ZNF133: variants seen among roughly 807,000 people sequenced by gnomAD.
ZNF133 encodes zinc finger protein 133.
Under a neutral mutation model 54.9 loss-of-function variants are expected in ZNF133, and 26 were observed. The observed-to-expected ratio is 0.47, with a 90% CI of 0.35 to 0.66. The LOEUF is 0.66. Ranked by LOEUF, ZNF133 falls within the 30% of genes least tolerant of loss-of-function variation. ZNF133 has a pLI of 0.01. For missense variants in ZNF133, 653 were observed against 820.8 expected, an observed-to-expected ratio of 0.80 and a Z score of 2.50; for synonymous variants, 298 against 320.3, an observed-to-expected ratio of 0.93 and a Z score of 0.74.
Position 18,316,461 on chromosome 20 carries a change from TCATCAGG to T in ZNF133, c.1613_1619del (p.Ile538ThrfsTer26). 1 of 1,614,212 alleles carries T rather than the reference TCATCAGG, an allele frequency of 6.2e-7. No homozygotes were observed. Among genetic ancestry groups the T allele is most frequent in the Non-Finnish European group, 8.5e-7 (1 of 1,180,038 alleles). On this transcript the variant is annotated frameshift_variant, in exon 7 of 7. Coordinates refer to ENST00000425686, the MANE Select transcript of ZNF133 (RefSeq NM_001352452.2). LOFTEE classifies it high-confidence loss of function. ...CGAGGCTTTAGCCACCAGGCCGGTC[TCATCAGG>T]CACAAGCGGAAGCACTCGAGGGAGA...
At chr20:18,303,411 TA>T (rs996495222) in intron 3 of ZNF133, among the ~76,000 whole-genome samples, 2 of 152,128 alleles carry the variant, frequency 1.3e-5, no homozygotes, top group African/African-American at 4.8e-5. Flanking sequence ...GTAATCCCTA[TA>T]AAAATAACAA....
Position 18,315,313 on chromosome 20 carries a change from G to C in ZNF133, c.462G>C (p.Leu154Phe). ...EGPEGEGAMP[L>F]FGRTKKRTLG... ...CTGAGGGAGAAGGTGCCATGCCTTT[G>C]TTTGGAAGAACCAAGAAAAGGACTC... The change falls in exon 7 of 7, where the codon TTG (leucine) becomes TTC (phenylalanine). Residue 154 changes from leucine (L) to phenylalanine (F), a missense_variant. Physicochemically the swap from Leu to Phe is conservative, Grantham distance 22. This residue lies in a region of ZNF133 where 227 missense variants were observed against 233.9 expected (regional missense o/e 0.97). Transcript: ENST00000425686. 1 of 1,614,106 alleles carries C rather than the reference G, an allele frequency of 6.2e-7. No individual in the cohort carries two copies. The highest frequency in any genetic ancestry group is 8.5e-7 in the Non-Finnish European group (1 of 1,180,006).
intron 3 of ZNF133, among the ~76,000 whole-genome samples, chr20:18,300,633 T>C (rs2147215311): frequency 6.6e-6 from 1 of 152,214 alleles, no homozygotes; most frequent in South Asian, 2.1e-4. Flanking sequence ...AAAAAGACGT[T>C]TCATGCAAAT....
chr20:18,299,446 T>A (rs530177208), intron 3 of ZNF133, among the ~76,000 whole-genome samples: 2 of 152,282 alleles, frequency 1.3e-5, no homozygotes, highest in East Asian at 3.9e-4. Context: ...AAGGGAACTA[T>A]GGGATACTAT....
At chr20:18,297,656 A>G (rs1393220684) in intron 1 of ZNF133, among the ~76,000 whole-genome samples, 1 of 151,580 alleles carries the variant, frequency 6.6e-6, no homozygotes, top group African/African-American at 2.4e-5. Flanking sequence ...TGTTTTTGAG[A>G]TTTCCCTAGT....
At chr20:18,297,767 T>G in intron 1 of ZNF133, among the ~76,000 whole-genome samples, 1 of 152,148 alleles carries the variant, frequency 6.6e-6, no homozygotes, top group African/African-American at 2.4e-5. Context: ...TGTTGTTGTT[T>G]TTTGTTTTTC....
Position 18,288,558 on chromosome 20 carries a change from C to T in ZNF133, c.-478C>T. On this transcript the variant is annotated 5_prime_UTR_variant, in exon 1 of 7. Transcript: ENST00000425686. ...TAGTCCTGGCGCCCCGCTGGAGGAGCTCCCCAGCTGGTGGCTGGAGCGACC... is the reference window on the plus strand; with the variant it reads ...TAGTCCTGGCGCCCCGCTGGAGGAGTTCCCCAGCTGGTGGCTGGAGCGACC... 2.5e-6 allele frequency: 1 copy of T among 398,648 alleles called. No individual in the cohort carries two copies. The highest frequency in any genetic ancestry group is 4.4e-6 in the Non-Finnish European group (1 of 226,110). The allele number at this position is 398,648 out of a possible 1,614,324, so 24.7% of individuals were successfully genotyped here. A position where few individuals can be genotyped will look rare whatever the true frequency, so the allele number is the denominator to read the frequency against.
rs956242978 is a variant in ZNF133 at position 18,305,129 on chromosome 20, C to G, written c.-56C>G. ...TGGCCAAGAAGCTCCATGGTGAGCA[C>G]TCACAGTCTAAGGCTGGAAGTTTAA... On this transcript the variant is annotated 5_prime_UTR_variant, in exon 4 of 7. Transcript: ENST00000425686. The surrounding 1 kb of genome is among the most constrained non-coding windows in gnomAD (Gnocchi z 4.7). 5.1e-6 allele frequency: 5 copies of G among 985,774 alleles called. No homozygotes were observed. The African/African-American group carries it at 8.7e-5, about 17-fold the overall frequency. 61.1% of individuals were successfully genotyped at this position (985,774 alleles called of 1,614,324 possible).
intron 1 of ZNF133, among the ~76,000 whole-genome samples, chr20:18,290,367 T>G (rs1206690394): frequency 6.6e-6 from 1 of 152,216 alleles, no homozygotes; most frequent in Non-Finnish European, 1.5e-5. Flanking sequence ...TGTTCTTCTG[T>G]CTTCCAATAC....
intron 1 of ZNF133, among the ~76,000 whole-genome samples, chr20:18,293,167 G>T (rs1351186790): frequency 6.6e-6 from 1 of 152,218 alleles, no homozygotes; most frequent in Non-Finnish European, 1.5e-5. Flanking sequence ...AGTGGCTTAG[G>T]AGAGCAACTA....
At chr20:18,291,046 G>A (rs73114300) in intron 1 of ZNF133, among the ~76,000 whole-genome samples, 11,020 of 152,172 alleles carry the variant, frequency 0.072, 491 homozygotes, top group Non-Finnish European at 0.089. Context: ...AGAATCTGTC[G>A]CCTGGGCAAC....
In ZNF133 at chr20:18,305,937, T is replaced by C. The variant is rs1005860720; in HGVS notation, c.121+130T>C. On this transcript the variant is annotated intron_variant, in intron 5 of 6. Transcript: ENST00000425686. This position sits in a 1 kb window ranked among gnomAD's most constrained non-coding sequence, Gnocchi z 4.7. ...AAAGCAACTACATTTTATTCGTGTTTCCCCAGGGAGGGTCTGATTTTGCAG... is the reference window on the plus strand; with the variant it reads ...AAAGCAACTACATTTTATTCGTGTTCCCCCAGGGAGGGTCTGATTTTGCAG... The C allele has an allele frequency of 1.6e-6, 2 of 1,247,036 alleles. No homozygotes were observed. The highest frequency in any genetic ancestry group is 2.2e-6 in the Non-Finnish European group (2 of 910,682). The allele number at this position is 1,247,036 out of a possible 1,614,324, so 77.2% of individuals were successfully genotyped here. A position where few individuals can be genotyped will look rare whatever the true frequency, so the allele number is the denominator to read the frequency against.
Position 18,305,261 on chromosome 20 carries a change from C to A in ZNF133, c.-7+83C>A. On this transcript the variant is annotated intron_variant, in intron 4 of 6. Coordinates refer to ENST00000425686, the MANE Select transcript of ZNF133 (RefSeq NM_001352452.2). This position sits in a 1 kb window ranked among gnomAD's most constrained non-coding sequence, Gnocchi z 4.7. Reference sequence around the variant, plus strand: ...GATTCCAGGGCTTCACTACTCTCTGCTTGTGACCATCAGGCCCGAGAAAGC... The same window carrying A: ...GATTCCAGGGCTTCACTACTCTCTGATTGTGACCATCAGGCCCGAGAAAGC... 1.1e-6 allele frequency: 1 copy of A among 950,766 alleles called. No homozygotes were observed. The highest frequency in any genetic ancestry group is 1.3e-6 in the Non-Finnish European group (1 of 793,358). The allele number at this position is 950,766 out of a possible 1,614,324, so 58.9% of individuals were successfully genotyped here.
At chr20:18,301,252 A>T (rs1196448160) in intron 3 of ZNF133, among the ~76,000 whole-genome samples, 3 of 152,344 alleles carry the variant, frequency 2.0e-5, no homozygotes, top group East Asian at 1.9e-4. Flanking sequence ...AACACAACAT[A>T]GGAAAACTTA....
intron 3 of ZNF133, among the ~76,000 whole-genome samples, chr20:18,301,838 GAGA>G (rs1471903686): frequency 6.6e-6 from 1 of 152,084 alleles, no homozygotes; most frequent in Non-Finnish European, 1.5e-5. Flanking sequence ...CAAACATTTA[GAGA>G]AGAACTAACA....
chr20:18,306,585 G>A (rs766478613), intron 6 of ZNF133, 192 bp downstream of exon 6: 148 of 867,744 alleles, frequency 1.7e-4, no homozygotes, highest in Admixed American at 2.4e-4. Context: ...CTTTCCTGGT[G>A]TCTCGTCTCC....
chr20:18,315,023 C>T (rs754929046), intron 6 of ZNF133, 46 bp from the exon 7 acceptor site: 1 of 1,503,180 alleles, frequency 6.7e-7, no homozygotes, highest in South Asian at 1.4e-5. Context: ...ATTGCTCAGG[C>T]TGCCCACTGA....
intron 6 of ZNF133, chr20:18,306,635 C>G (rs2044687807): frequency 1.7e-6 from 2 of 1,160,868 alleles, no homozygotes; most frequent in African/African-American, 3.2e-5. Flanking sequence ...CAGTGGGTTT[C>G]TCCTCTCTAG....
In ZNF133 at chr20:18,306,780, C is replaced by T. The variant is rs763481914; in HGVS notation, c.217+387C>T. ...CAGTGGGAGGAAGAAATCTAAAAAG[C>T]CAATAGAGAAATTGAAATGGAATTC... is the stretch of plus-strand genomic sequence containing the variant. On this transcript the variant is annotated intron_variant, in intron 6 of 6. Transcript: ENST00000425686. 3.1e-6 allele frequency: 4 copies of T among 1,283,492 alleles called. No individual in the cohort carries two copies. In the Admixed American group the frequency reaches 8.1e-5, roughly 26 times the overall value. The allele number at this position is 1,283,492 out of a possible 1,614,324, so 79.5% of individuals were successfully genotyped here. A position where few individuals can be genotyped will look rare whatever the true frequency, so the allele number is the denominator to read the frequency against.
Sources: allele counts gnomAD v4.1 joint callset (sites outside exome capture counted in the v4.1 genomes callset), GRCh38; gene constraint gnomAD v4.1.1; regional missense constraint gnomAD v4.1.1; non-coding constraint Gnocchi (gnomAD v3.1); transcripts MANE v1.5; gene names NCBI Gene and HGNC (gene_info 2026-07-23, HGNC 2026-07-21).